ENTREP2: variants seen among roughly 807,000 people sequenced by gnomAD.
ENTREP2 encodes the protein protein ENTREP2.
At chr15:29,524,328 T>C in the ENTREP2 span, among the ~76,000 whole-genome samples, 1 of 152,048 alleles carries the variant, frequency 6.6e-6, no homozygotes, top group African/African-American at 2.4e-5. Flanking sequence ...AGAAAGCACA[T>C]CACAATCACA....
At chr15:29,129,356 G>A in the ENTREP2 span, among the ~76,000 whole-genome samples, 2 of 152,170 alleles carry the variant, frequency 1.3e-5, no homozygotes, top group African/African-American at 4.8e-5. Context: ...GTGAGCCACC[G>A]CCCCTGGCCG....
At chr15:29,437,033 C>T in the ENTREP2 span, among the ~76,000 whole-genome samples, 1 of 152,216 alleles carries the variant, frequency 6.6e-6, no homozygotes, top group South Asian at 2.1e-4. Context: ...CTTCCTGCTT[C>T]AATCTTAAAT....
the ENTREP2 span, among the ~76,000 whole-genome samples, chr15:29,583,965 C>T: frequency 1.3e-5 from 2 of 152,096 alleles, no homozygotes; most frequent in Non-Finnish European, 2.9e-5. Context: ...ATGTACTTGA[C>T]CCTGGATTGG....
At chr15:29,626,170 T>C in the ENTREP2 span, among the ~76,000 whole-genome samples, 1 of 152,132 alleles carries the variant, frequency 6.6e-6, no homozygotes, top group Admixed American at 6.5e-5. Context: ...TTTTCTGTGT[T>C]GATCTTGTAT....
At chr15:29,141,965 T>A in the ENTREP2 span, among the ~76,000 whole-genome samples, 8 of 152,070 alleles carry the variant, frequency 5.3e-5, no homozygotes, top group Non-Finnish European at 1.0e-4. Flanking sequence ...TGTAATTGCA[T>A]AAGGAAATAG....
At chr15:29,545,559 T>A in the ENTREP2 span, among the ~76,000 whole-genome samples, 1 of 152,228 alleles carries the variant, frequency 6.6e-6, no homozygotes, top group Non-Finnish European at 1.5e-5. Flanking sequence ...TTTATTATAG[T>A]ATTTCTTTTT....
the ENTREP2 span, among the ~76,000 whole-genome samples, chr15:29,293,222 C>T: frequency 6.6e-6 from 1 of 151,862 alleles, no homozygotes; most frequent in Non-Finnish European, 1.5e-5. Context: ...AAACTCAACT[C>T]CCGTTACCTC....
chr15:29,612,121 C>T, the ENTREP2 span, among the ~76,000 whole-genome samples: 1 of 152,190 alleles, frequency 6.6e-6, no homozygotes, highest in Non-Finnish European at 1.5e-5. Context: ...GTAGATAGGG[C>T]CTTTTGCTTT....
At chr15:29,242,149 C>T in the ENTREP2 span, among the ~76,000 whole-genome samples, 1 of 152,332 alleles carries the variant, frequency 6.6e-6, no homozygotes, top group South Asian at 2.1e-4. Flanking sequence ...TCTTGGCTCA[C>T]TGCAACCTCC....
chr15:29,190,095 C>T, the ENTREP2 span, among the ~76,000 whole-genome samples: 1 of 152,148 alleles, frequency 6.6e-6, no homozygotes, highest in Non-Finnish European at 1.5e-5. Flanking sequence ...TGGTCCCTGC[C>T]CTCCACCAGG....
chr15:29,134,664 C>G, the ENTREP2 span, among the ~76,000 whole-genome samples: 1 of 152,220 alleles, frequency 6.6e-6, no homozygotes, highest in Non-Finnish European at 1.5e-5. Context: ...GCAACGGTGA[C>G]CAGTCCTTGT....
chr15:29,652,987 A>G, the ENTREP2 span, among the ~76,000 whole-genome samples: 1 of 152,156 alleles, frequency 6.6e-6, no homozygotes, highest in African/African-American at 2.4e-5. Flanking sequence ...AAAAGATCCC[A>G]TAAGAAAGGT....
the ENTREP2 span, among the ~76,000 whole-genome samples, chr15:29,304,117 G>A: frequency 6.6e-6 from 1 of 151,944 alleles, no homozygotes; most frequent in Non-Finnish European, 1.5e-5. Flanking sequence ...CTCTGACCTC[G>A]GGTGATCTGC....
At chr15:29,424,927 A>G in the ENTREP2 span, among the ~76,000 whole-genome samples, 3 of 152,222 alleles carry the variant, frequency 2.0e-5, no homozygotes, top group African/African-American at 7.2e-5. Flanking sequence ...CTACTGACAC[A>G]GTACATTCTA....
the ENTREP2 span, among the ~76,000 whole-genome samples, chr15:29,333,423 C>T: frequency 1.3e-5 from 2 of 152,068 alleles, no homozygotes; most frequent in Non-Finnish European, 2.9e-5. Flanking sequence ...CATCCAGCAC[C>T]CCCCGCCCCA....
At chr15:29,264,217 G>A in the ENTREP2 span, among the ~76,000 whole-genome samples, 1 of 99,598 alleles carries the variant, frequency 1.0e-5, no homozygotes, top group African/African-American at 3.2e-5. Flanking sequence ...AATAAATGAT[G>A]TTGGGGCATG....
chr15:29,410,640 T>C, the ENTREP2 span, among the ~76,000 whole-genome samples: 1 of 152,312 alleles, frequency 6.6e-6, no homozygotes, highest in South Asian at 2.1e-4. Flanking sequence ...AGATTCCTGC[T>C]AGTCCTGCTC....
the ENTREP2 span, among the ~76,000 whole-genome samples, chr15:29,238,550 G>A: frequency 2.0e-5 from 3 of 151,942 alleles, no homozygotes; most frequent in Non-Finnish European, 4.4e-5. Flanking sequence ...CAGGAGAATC[G>A]CTTGAACCTG....
chr15:29,144,416 A>G, the ENTREP2 span, among the ~76,000 whole-genome samples: 1 of 152,178 alleles, frequency 6.6e-6, no homozygotes, highest in Non-Finnish European at 1.5e-5. Flanking sequence ...AGATGGCTTC[A>G]CTGGTGAACT....
Sources: gnomAD v4.1 joint callset for allele counts (sites outside exome capture counted in the v4.1 genomes callset) on GRCh38, gnomAD v4.1.1 for gene constraint, MANE v1.5 for transcripts, NCBI Gene and HGNC (gene_info 2026-07-23, HGNC 2026-07-21) for gene names.